The following RAB19 variants were observed in gnomAD, a reference collection of about 807,000 sequenced individuals.
The protein encoded by RAB19 is RAB19, member RAS oncogene family.
In RAB19, 21 loss-of-function variants were observed where a neutral mutation model predicts 17.3. The observed-to-expected ratio is 1.21, with a 90% confidence interval of 0.86 to 1.74. The LOEUF (loss-of-function observed/expected upper bound fraction) is 1.74, where lower values mean the gene tolerates loss of function less well. RAB19 is among the 40% of genes most tolerant of loss of function. The pLI, the probability that RAB19 is intolerant of heterozygous loss-of-function variation, is 0.00. For synonymous variants in RAB19, 126 were observed against 110.4 expected, an observed-to-expected ratio of 1.14 and a Z score of -0.88; for missense variants, 277 against 286.8, an observed-to-expected ratio of 0.97 and a Z score of 0.25.
chr7:140,412,318 G>C (rs560561518), intron 3 of RAB19, among the ~76,000 whole-genome samples: 22 of 152,134 alleles, frequency 1.4e-4, no homozygotes, highest in Non-Finnish European at 2.6e-4. Context: ...CAGGCGTAGT[G>C]GTGGGCGCCT....
intron 3 of RAB19, among the ~76,000 whole-genome samples, chr7:140,419,336 T>C (rs1482377128): frequency 1.3e-5 from 2 of 152,208 alleles, no homozygotes; most frequent in Admixed American, 6.5e-5. Context: ...CCCAAAGTGC[T>C]GAGATTACAG....
At chr7:140,423,801 C>T (rs780436026) in intron 3 of RAB19, among the ~76,000 whole-genome samples, 15 of 152,158 alleles carry the variant, frequency 9.9e-5, no homozygotes, top group Admixed American at 2.6e-4. Flanking sequence ...TAATTACAAA[C>T]ATACACACAA....
chr7:140,410,020 A>C lies in RAB19; in HGVS notation c.202-1854A>C, dbSNP rs530550228. ...AAAAAAAAAAAAAAAAAAGATAATA[A>C]ATAAAAATTTAAAAAATTAAAAAAT... On this transcript the variant is annotated intron_variant, in intron 2 of 3. Transcript: ENST00000537763. 3.6e-4 allele frequency among the ~76,000 whole-genome samples: 55 copies of C among 151,006 alleles called. 2 individuals are homozygous for C. In the East Asian group the frequency reaches 0.01, roughly 28 times the overall value.
At chr7:140,408,449 T>A (rs903745053) in intron 2 of RAB19, among the ~76,000 whole-genome samples, 8 of 149,826 alleles carry the variant, frequency 5.3e-5, no homozygotes, top group African/African-American at 2.0e-4. Context: ...TTTGGGGGGG[T>A]GGGGGAGTGT....
intron 3 of RAB19, among the ~76,000 whole-genome samples, chr7:140,416,722 C>T (rs1212212878): frequency 6.6e-6 from 1 of 152,100 alleles, no homozygotes; most frequent in Non-Finnish European, 1.5e-5. Flanking sequence ...TGGCTGTTGG[C>T]GGGTGGACCC....
chr7:140,423,908 C>T (rs1319575806), intron 3 of RAB19, among the ~76,000 whole-genome samples: 3 of 152,050 alleles, frequency 2.0e-5, no homozygotes, highest in African/African-American at 7.2e-5. Context: ...GGCTGGAGTG[C>T]AGTGGCACAA....
In RAB19 at chr7:140,426,000, A is replaced by G; in HGVS notation, c.504A>G (p.Ile168Met). 6.2e-7 allele frequency: 1 copy of G among 1,614,114 alleles called. No homozygotes were observed. The highest frequency in any genetic ancestry group is 8.5e-7 in the Non-Finnish European group (1 of 1,180,008). The change falls in exon 4 of 4, where the codon ATA becomes ATG. Residue 168 changes from isoleucine (I) to methionine (M), a missense_variant. Ile to Met is a conservative substitution (Grantham distance 10, BLOSUM62 1). Coordinates refer to ENST00000537763, the MANE Select transcript of RAB19 (RefSeq NM_001008749.3). ...CATCTGCCAAGGAGTCAAAGAACAT[A>G]GAAGAAGTCTTCGTGCTCATGGCCA... is the stretch of plus-strand genomic sequence containing the variant. ...LETSAKESKNIEEVFVLMAKE... is the reference protein window; with the variant it reads ...LETSAKESKNMEEVFVLMAKE...
intron 3 of RAB19, among the ~76,000 whole-genome samples, chr7:140,417,071 CAA>C (rs11422658): frequency 0.092 from 12,484 of 136,154 alleles, 705 homozygotes; most frequent in African/African-American, 0.16. Flanking sequence ...ACTAAAAATA[CAA>C]AAAAAAAAAA....
intron 2 of RAB19, among the ~76,000 whole-genome samples, chr7:140,409,719 C>T (rs898849551): frequency 6.6e-6 from 1 of 151,064 alleles, no homozygotes; most frequent in African/African-American, 2.4e-5. Flanking sequence ...ATAGGCTGGG[C>T]GTGGTGGCTC....
chr7:140,420,294 G>A lies in RAB19; in HGVS notation c.386-5588G>A, dbSNP rs775606637. On this transcript the variant is annotated intron_variant, in intron 3 of 3. Coordinates refer to ENST00000537763, the MANE Select transcript of RAB19 (RefSeq NM_001008749.3). ...AAAATAGCTGGGCGTGGTGGTGGGC[G>A]CCTGTAATCCCAGCTACTCAAGAGG... 4.6e-5 allele frequency among the ~76,000 whole-genome samples: 7 copies of A among 151,916 alleles called. No individual in the cohort carries two copies. In the East Asian group the frequency reaches 7.8e-4, roughly 17 times the overall value.
rs376124630 is a variant in RAB19, at chr7:140,412,754, CTATT to C, written c.385+702_385+705del. Among the ~76,000 whole-genome samples the C allele has an allele frequency of 9.7e-4, 147 of 150,874 alleles. 2 individuals are homozygous for C. The highest frequency in any genetic ancestry group is 6.8e-3 in the Middle Eastern group (2 of 294). On this transcript the variant is annotated intron_variant, in intron 3 of 3. Transcript: ENST00000537763. ...TTTTATGGGTATCTAGTAGGTATATCTATTTATTGGGTACAGTGGGTTCTTAAAA... is the reference window on the plus strand; with the variant it reads ...TTTTATGGGTATCTAGTAGGTATATCTATTGGGTACAGTGGGTTCTTAAAA...
intron 3 of RAB19, among the ~76,000 whole-genome samples, chr7:140,421,838 T>C (rs913705783): frequency 6.6e-6 from 1 of 152,174 alleles, no homozygotes; most frequent in African/African-American, 2.4e-5. Flanking sequence ...GAACAGACAC[T>C]CTTAATTTTA....
intron 3 of RAB19, among the ~76,000 whole-genome samples, chr7:140,418,735 T>C (rs548006500): frequency 6.6e-6 from 1 of 152,068 alleles, no homozygotes; most frequent in Admixed American, 6.6e-5. Context: ...GGCATGCGCC[T>C]GTAGTCCCAG....
chr7:140,425,989 T>C lies in RAB19; in HGVS notation c.493T>C (p.Ser165Pro). 6.2e-7 allele frequency: 1 copy of C among 1,613,612 alleles called. No homozygotes were observed. Residue 165 changes from serine (S) to proline (P), a missense_variant, in exon 4 of 4, where the codon TCA becomes CCA. Coordinates refer to ENST00000537763, the MANE Select transcript of RAB19 (RefSeq NM_001008749.3). ...CGTTTTGGAGACATCTGCCAAGGAGTCAAAGAACATAGAAGAAGTCTTCGT... is the reference window on the plus strand; with the variant it reads ...CGTTTTGGAGACATCTGCCAAGGAGCCAAAGAACATAGAAGAAGTCTTCGT... ...LAVLETSAKE[S>P]KNIEEVFVLM...
At chr7:140,416,817 C>T (rs990112989) in intron 3 of RAB19, among the ~76,000 whole-genome samples, 2 of 152,026 alleles carry the variant, frequency 1.3e-5, no homozygotes, top group African/African-American at 2.4e-5. Flanking sequence ...AGCTGGGCGC[C>T]GTGGCTCACA....
Position 140,412,015 on chromosome 7 carries a change from A to C in RAB19, c.343A>C (p.Ile115Leu), listed in dbSNP as rs762778683. 1.2e-6 allele frequency: 2 copies of C among 1,613,768 alleles called. No homozygotes were observed. Among genetic ancestry groups the C allele is most frequent in the Non-Finnish European group, 1.7e-6 (2 of 1,180,032 alleles). ...GTCCATCCCTCACTGGATTCATGAG[A>C]TAGAGAAATATGGAGCTGCAAATGT... is the stretch of plus-strand genomic sequence containing the variant. ...FESIPHWIHE[I>L]EKYGAANVVI... Residue 115 changes from isoleucine (I) to leucine (L), a missense_variant, in exon 3 of 4, where the codon ATA (isoleucine) becomes CTA (leucine). Physicochemically the swap from Ile to Leu is conservative, Grantham distance 5. Coordinates refer to ENST00000537763, the MANE Select transcript of RAB19 (RefSeq NM_001008749.3).
intron 1 of RAB19, among the ~76,000 whole-genome samples, chr7:140,405,131 A>G (rs1194350197): frequency 6.6e-6 from 1 of 152,110 alleles, no homozygotes; most frequent in African/African-American, 2.4e-5. Flanking sequence ...CTGGCTCATC[A>G]TCAGAATCAC....
At chr7:140,414,532 T>C (rs1799420889) in intron 3 of RAB19, among the ~76,000 whole-genome samples, 1 of 152,220 alleles carries the variant, frequency 6.6e-6, no homozygotes, top group Non-Finnish European at 1.5e-5. Context: ...CTAGTCTGTC[T>C]TTCATAACAA....
intron 2 of RAB19, among the ~76,000 whole-genome samples, chr7:140,408,503 T>C (rs1023710758): frequency 6.6e-6 from 1 of 151,934 alleles, no homozygotes; most frequent in African/African-American, 2.4e-5. Context: ...TGAGGCAGAG[T>C]CTCACTCCAT....
Sources: gnomAD v4.1 joint callset for allele counts (sites outside exome capture counted in the v4.1 genomes callset) on GRCh38, gnomAD v4.1.1 for gene constraint, MANE v1.5 for transcripts, NCBI Gene and HGNC (gene_info 2026-07-23, HGNC 2026-07-21) for gene names.